Variants in MON2 observed in about 807,000 individuals in gnomAD.
The protein encoded by MON2 is MON2 regulator of endosome-to-Golgi trafficking.
A neutral mutation model predicts 208.6 loss-of-function variants in MON2; 84 were observed. That is an observed-to-expected ratio of 0.40 (90% CI 0.34 to 0.48). The LOEUF (loss-of-function observed/expected upper bound fraction) is 0.48, where lower values mean the gene tolerates loss of function less well. Ranked by LOEUF, MON2 falls within the 20% of genes least tolerant of loss-of-function variation. The pLI is 0.59. For missense variants in MON2, 1,611 were observed against 2,015.4 expected (o/e 0.80, Z 3.84); for synonymous variants, 660 against 694.0 (o/e 0.95, Z 0.77).
rs549754413 is a variant in MON2 at position 62,556,602 on chromosome 12, G to A, written c.3409+410G>A. Among the ~76,000 whole-genome samples the A allele has an allele frequency of 4.6e-5, 7 of 152,234 alleles. No individual in the cohort carries two copies. The South Asian group carries it at 1.5e-3, about 32-fold the overall frequency. On this transcript the variant is annotated intron_variant, in intron 25 of 34. Transcript: ENST00000393630. Reference sequence around the variant, plus strand: ...ATCAGGCAAGAGTAAGACGAAGTGTGGAGAGCCTTATAGTCAATGAGAGAA... The same window carrying A: ...ATCAGGCAAGAGTAAGACGAAGTGTAGAGAGCCTTATAGTCAATGAGAGAA...
At chr12:62,496,284 A>C (rs1373314739) in intron 4 of MON2, among the ~76,000 whole-genome samples, 1 of 152,100 alleles carries the variant, frequency 6.6e-6, no homozygotes, top group African/African-American at 2.4e-5. Context: ...GCATATATTT[A>C]AAGTTTTATT....
chr12:62,502,322 G>T (rs993230288), intron 7 of MON2, among the ~76,000 whole-genome samples: 21 of 151,790 alleles, frequency 1.4e-4, no homozygotes, highest in Non-Finnish European at 1.3e-4. Context: ...AATCGCTTGT[G>T]CCCAGGAGGT....
At chr12:62,534,988 G>T in intron 13 of MON2, 62 bp downstream of exon 13, 4 of 1,162,618 alleles carry the variant, frequency 3.4e-6, no homozygotes, top group Non-Finnish European at 3.8e-6. Flanking sequence ...CATTAAAATG[G>T]TTTACTTACA....
At chr12:62,474,045 C>A (rs565592575) in intron 1 of MON2, among the ~76,000 whole-genome samples, 134 of 110,642 alleles carry the variant, frequency 1.2e-3, no homozygotes, top group Non-Finnish European at 2.2e-3. Flanking sequence ...ATCTGCATTT[C>A]CAGCTGCACA....
At position 62,524,623 on chromosome 12, in the gene MON2, C is replaced by G. The variant is rs2072239698; in HGVS notation, c.1093C>G (p.Gln365Glu). The part of the protein sequence containing the change: ...AVESIHRFCV[Q>E]PQLLRSFCQS... ...GGAATCAATACACAGATTCTGTGTG[C>G]AGCCTCAACTATTAAGGTAAAACCT... The change falls in exon 9 of 35, where the codon CAG becomes GAG. Residue 365 changes from glutamine (Q) to glutamate (E), a missense_variant. Transcript: ENST00000393630. 1.2e-6 allele frequency: 2 copies of G among 1,613,034 alleles called. No individual in the cohort carries two copies.
In MON2 at chr12:62,571,384, A is replaced by G. The variant is rs745477365; in HGVS notation, c.4324-8A>G. 5.9e-6 allele frequency: 9 copies of G among 1,537,846 alleles called. No individual in the cohort carries two copies. The highest frequency in any genetic ancestry group is 7.9e-6 in the Non-Finnish European group (9 of 1,138,526). On this transcript the variant is annotated splice_region_variant and splice_polypyrimidine_tract_variant and intron_variant, in intron 29 of 34. Coordinates refer to ENST00000393630, the MANE Select transcript of MON2 (RefSeq NM_015026.3). Reference sequence around the variant, plus strand: ...TTAATGCTTATATTAAACTGTCTTTATTTTCAGACTCTTAGGGTTCCTCTC... The same window carrying G: ...TTAATGCTTATATTAAACTGTCTTTGTTTTCAGACTCTTAGGGTTCCTCTC...
rs1277957395 is a variant in MON2 at position 62,581,498 on chromosome 12, TTA to T, written c.4699+1080_4699+1081del. On this transcript the variant is annotated intron_variant, in intron 32 of 34. Transcript: ENST00000393630. The stretch of plus-strand genomic sequence containing the variant: ...AGCCCAGGAGGCCGAGGTGACGGAG[TTA>T]TGATTGTACCACTGCATTTTAGAGT... Among the ~76,000 whole-genome samples, 9 of 152,042 alleles carry T rather than the reference TTA, an allele frequency of 5.9e-5. No homozygotes were observed. In the East Asian group the frequency reaches 1.7e-3, roughly 29 times the overall value.
intron 19 of MON2, among the ~76,000 whole-genome samples, 194 bp from the exon 20 acceptor site, chr12:62,542,903 G>A (rs2073302350): frequency 6.6e-6 from 1 of 152,014 alleles, no homozygotes; most frequent in Admixed American, 6.6e-5. Context: ...TTCTAATTAG[G>A]AGCTATTTTG....
In MON2 at chr12:62,533,260, T is replaced by C. The variant is rs916499507; in HGVS notation, c.1633+590T>C. On this transcript the variant is annotated intron_variant, in intron 12 of 34. Coordinates refer to ENST00000393630, the MANE Select transcript of MON2 (RefSeq NM_015026.3). ...GGAAGCATACTACAGTATCAATTTG[T>C]GTCATTATTGGAGATGCTCACTTCT... 2.3e-4 allele frequency among the ~76,000 whole-genome samples: 35 copies of C among 152,322 alleles called. 1 individual carries two copies. Among genetic ancestry groups the C allele is most frequent in the Admixed American group, 2.2e-3 (34 of 15,298 alleles).
At chr12:62,553,648 A>G (rs2073845613) in intron 24 of MON2, among the ~76,000 whole-genome samples, 1 of 152,230 alleles carries the variant, frequency 6.6e-6, no homozygotes, top group Non-Finnish European at 1.5e-5. Flanking sequence ...AGACTCACCA[A>G]ACAAAAGTAA....
chr12:62,570,716 CTTTTTCTTTTTTTT>C (rs2074561614), intron 29 of MON2, among the ~76,000 whole-genome samples: 1 of 71,472 alleles, frequency 1.4e-5, no homozygotes, highest in Admixed American at 1.3e-4. Flanking sequence ...GCAGAATTTT[CTTTTTCTTTTTTTT>C]TTTTTTTTTT....
chr12:62,496,505 G>T (rs962759197), intron 4 of MON2, among the ~76,000 whole-genome samples: 6 of 152,100 alleles, frequency 3.9e-5, no homozygotes, highest in African/African-American at 7.2e-5. Flanking sequence ...GATATCAAAG[G>T]CTTGTGTCTT....
At chr12:62,555,095 C>T (rs561401584) in intron 24 of MON2, among the ~76,000 whole-genome samples, 163 of 152,260 alleles carry the variant, frequency 1.1e-3, no homozygotes, top group African/African-American at 3.7e-3. Flanking sequence ...TGCGCCTGGC[C>T]AGCTTTGTTC....
At chr12:62,578,374 C>A in intron 30 of MON2, 71 bp from the exon 31 acceptor site, 1 of 998,040 alleles carries the variant, frequency 1.0e-6, no homozygotes, top group Non-Finnish European at 1.5e-6. Context: ...CATTTGAATA[C>A]TGTTTTTCTA....
intron 24 of MON2, 154 bp downstream of exon 24, chr12:62,553,328 G>A (rs2073828482): frequency 1.5e-6 from 1 of 671,202 alleles, no homozygotes; most frequent in Non-Finnish European, 2.4e-6. Flanking sequence ...ATTGTAAATT[G>A]TACCTCATAA....
At chr12:62,515,682 G>A (rs145702841) in intron 8 of MON2, among the ~76,000 whole-genome samples, 1 of 152,114 alleles carries the variant, frequency 6.6e-6, no homozygotes, top group African/African-American at 2.4e-5. Flanking sequence ...GGGTGTGGTG[G>A]CGCACACCTG....
chr12:62,485,777 T>C (rs2069741127), intron 2 of MON2, among the ~76,000 whole-genome samples: 1 of 151,838 alleles, frequency 6.6e-6, no homozygotes, highest in South Asian at 2.1e-4. Context: ...GGTCTCGGCT[T>C]ACTGCAACCT....
intron 25 of MON2, among the ~76,000 whole-genome samples, chr12:62,559,408 G>A (rs1441519537): frequency 6.6e-6 from 1 of 152,142 alleles, no homozygotes; most frequent in African/African-American, 2.4e-5. Flanking sequence ...TGTAATCCCA[G>A]CCCTTTGGAA....
chr12:62,469,579 G>A (rs764000530), intron 1 of MON2, among the ~76,000 whole-genome samples: 2 of 152,146 alleles, frequency 1.3e-5, no homozygotes, highest in African/African-American at 4.8e-5. Context: ...TCTTGACTGT[G>A]TCATAGGTTT....
Sources: gnomAD v4.1 joint callset for allele counts (sites outside exome capture counted in the v4.1 genomes callset) on GRCh38, gnomAD v4.1.1 for gene constraint, MANE v1.5 for transcripts, NCBI Gene and HGNC (gene_info 2026-07-23, HGNC 2026-07-21) for gene names.